The following DHRSX variants were observed in gnomAD, a reference collection of about 807,000 sequenced individuals.
DHRSX encodes polyprenol dehydrogenase.
DHRSX carries 31 observed loss-of-function variants against 34.0 expected under a neutral mutation model. That is an observed-to-expected ratio of 0.91 (90% CI 0.69 to 1.23). The LOEUF (loss-of-function observed/expected upper bound fraction) is 1.23. DHRSX is among the 50% of genes most tolerant of loss of function. The pLI, the probability that DHRSX is intolerant of heterozygous loss-of-function variation, is 0.00. For missense variants in DHRSX, 414 were observed against 428.1 expected (o/e 0.97, Z 0.29); for synonymous variants, 201 against 183.8 (o/e 1.09, Z -0.76).
chrX:2,492,618 T>G (rs1234449569), intron 1 of DHRSX, among the ~76,000 whole-genome samples: 1 of 151,340 alleles, frequency 6.6e-6, no homozygotes, highest in African/African-American at 2.4e-5. Context: ...GTGACAGATG[T>G]CCTTATAAAA....
intron 6 of DHRSX, among the ~76,000 whole-genome samples, chrX:2,224,994 A>G (rs1476977791): frequency 6.6e-6 from 1 of 150,610 alleles, no homozygotes; most frequent in Non-Finnish European, 1.5e-5. Flanking sequence ...ATTCACATGC[A>G]CACACACATG....
At chrX:2,452,355 A>C (rs1010735120) in intron 1 of DHRSX, among the ~76,000 whole-genome samples, 4 of 151,144 alleles carry the variant, frequency 2.6e-5, no homozygotes, top group African/African-American at 4.9e-5. Context: ...TTCCCTAGGC[A>C]TGTGGTCAAG....
At chrX:2,284,411 AAT>A (rs2041779042) in intron 4 of DHRSX, among the ~76,000 whole-genome samples, 1 of 147,518 alleles carries the variant, frequency 6.8e-6, no homozygotes, top group African/African-American at 2.7e-5. Flanking sequence ...AATTTGAATG[AAT>A]GAATGAATGA....
At position 2,393,809 on chromosome X, in the gene DHRSX, C is replaced by T. The variant is rs866500469; in HGVS notation, c.286+14936G>A. The stretch of plus-strand genomic sequence containing the variant: ...GGGACCTCCCTGTCTCCTGCACACA[C>T]GACACACAGGGACCTCCCCGTCTCC... On this transcript the variant is annotated intron_variant, in intron 3 of 6. Transcript: ENST00000334651. Among the ~76,000 whole-genome samples, 7 of 52,420 alleles carry T rather than the reference C, an allele frequency of 1.3e-4. 1 individual carries two copies. Among genetic ancestry groups the T allele is most frequent in the East Asian group, 1.1e-3 (2 of 1,862 alleles). 34.4% of individuals were successfully genotyped at this position (52,420 alleles called of 152,430 possible). A position where few individuals can be genotyped will look rare whatever the true frequency, so the allele number is the denominator to read the frequency against.
At chrX:2,290,381 C>G (rs2041851957) in intron 4 of DHRSX, among the ~76,000 whole-genome samples, 1 of 152,172 alleles carries the variant, frequency 6.6e-6, no homozygotes, top group African/African-American at 2.4e-5. Flanking sequence ...AATGCTTTCT[C>G]CCTCCTTACA....
At chrX:2,305,273 A>G (rs2042085497) in intron 3 of DHRSX, among the ~76,000 whole-genome samples, 1 of 152,128 alleles carries the variant, frequency 6.6e-6, no homozygotes, top group Non-Finnish European at 1.5e-5. Flanking sequence ...TGAAGTACAA[A>G]TCAAAACCAC....
At chrX:2,409,849 C>A (rs943538700) in intron 2 of DHRSX, among the ~76,000 whole-genome samples, 1 of 151,986 alleles carries the variant, frequency 6.6e-6, no homozygotes, top group Non-Finnish European at 1.5e-5. Flanking sequence ...GCTGCCTCAG[C>A]CTCCTGAGTA....
At chrX:2,273,199 A>G (rs1307006988) in intron 4 of DHRSX, among the ~76,000 whole-genome samples, 3 of 152,192 alleles carry the variant, frequency 2.0e-5, no homozygotes, top group Non-Finnish European at 4.4e-5. Flanking sequence ...TCTCAAAAAT[A>G]AATAAATCAA....
At chrX:2,229,556 G>A (rs1285833545) in intron 6 of DHRSX, among the ~76,000 whole-genome samples, 1 of 152,138 alleles carries the variant, frequency 6.6e-6, no homozygotes, top group Non-Finnish European at 1.5e-5. Flanking sequence ...GTGACATAAT[G>A]TGTGCATGTG....
chrX:2,306,699 G>A (rs73185787), intron 3 of DHRSX, among the ~76,000 whole-genome samples: 51,495 of 151,834 alleles, frequency 0.34, 10,362 homozygotes, highest in Middle Eastern at 0.48. Context: ...TTGCTAGTAT[G>A]TGGTTGAGCA....
At chrX:2,365,326 G>C (rs2042983704) in intron 3 of DHRSX, among the ~76,000 whole-genome samples, 1 of 152,170 alleles carries the variant, frequency 6.6e-6, no homozygotes, top group Admixed American at 6.5e-5. Context: ...TTTTAGTAGA[G>C]GCAGGGTTTC....
intron 3 of DHRSX, among the ~76,000 whole-genome samples, chrX:2,340,858 C>A (rs2042632083): frequency 6.6e-6 from 1 of 152,042 alleles, no homozygotes; most frequent in Non-Finnish European, 1.5e-5. Flanking sequence ...AGCCAACGAG[C>A]TGGTGTTCCC....
chrX:2,270,564 C>T (rs2041536983), intron 4 of DHRSX, among the ~76,000 whole-genome samples: 1 of 152,164 alleles, frequency 6.6e-6, no homozygotes, highest in South Asian at 2.1e-4. Flanking sequence ...CAGTGGGTCC[C>T]GCGGCTCTAC....
chrX:2,297,333 A>G (rs2041946478), intron 3 of DHRSX, among the ~76,000 whole-genome samples: 3 of 152,204 alleles, frequency 2.0e-5, no homozygotes, highest in East Asian at 1.9e-4. Context: ...ATATTGCCCA[A>G]GCTGGACTCG....
chrX:2,388,190 C>T (rs1333753076), intron 3 of DHRSX, among the ~76,000 whole-genome samples: 6 of 152,204 alleles, frequency 3.9e-5, no homozygotes, highest in East Asian at 1.9e-4. Flanking sequence ...GATGCTGAGA[C>T]GATGCCAGCT....
At chrX:2,342,956 T>C (rs1025973414) in intron 3 of DHRSX, among the ~76,000 whole-genome samples, 5 of 152,114 alleles carry the variant, frequency 3.3e-5, no homozygotes, top group African/African-American at 7.2e-5. Context: ...AGCGGGAGCA[T>C]GGCCATCTTG....
chrX:2,313,285 G>C (rs36081089), intron 3 of DHRSX, among the ~76,000 whole-genome samples: 21,780 of 151,922 alleles, frequency 0.14, 2,072 homozygotes, highest in Admixed American at 0.22. Flanking sequence ...TGGGATTACA[G>C]GCATGAGCCA....
chrX:2,274,953 C>T (rs2041605263), intron 4 of DHRSX, among the ~76,000 whole-genome samples: 1 of 151,920 alleles, frequency 6.6e-6, no homozygotes, highest in East Asian at 1.9e-4. Flanking sequence ...TGGATGGGTG[C>T]CTGAGATGCC....
At chrX:2,394,848 A>G (rs2043389371) in intron 3 of DHRSX, among the ~76,000 whole-genome samples, 1 of 151,796 alleles carries the variant, frequency 6.6e-6, no homozygotes. Flanking sequence ...CCTGGGCAAC[A>G]CAGTGAGACT....
Sources: gnomAD v4.1 joint callset for allele counts (sites outside exome capture counted in the v4.1 genomes callset) on GRCh38, gnomAD v4.1.1 for gene constraint, MANE v1.5 for transcripts, NCBI Gene and HGNC (gene_info 2026-07-23, HGNC 2026-07-21) for gene names.